Variants in SLCO5A1 observed in about 807,000 individuals in gnomAD.
SLCO5A1 encodes the protein solute carrier organic anion transporter family member 5A1.
A neutral mutation model predicts 65.1 loss-of-function variants in SLCO5A1; 39 were observed. The ratio of observed to expected loss-of-function variants is 0.60; its 90% CI spans 0.46 to 0.78. The LOEUF (loss-of-function observed/expected upper bound fraction) is 0.78, where lower values mean the gene tolerates loss of function less well. Among genes scored for constraint, SLCO5A1 ranks in the 30% least tolerant of loss-of-function variants. SLCO5A1 has a pLI of 0.00. For synonymous variants in SLCO5A1, 438 were observed against 415.7 expected, an observed-to-expected ratio of 1.05 and a Z score of -0.65; for missense variants, 1,029 against 1,069.4, an observed-to-expected ratio of 0.96 and a Z score of 0.53.
In SLCO5A1 at chr8:69,667,612, G is replaced by A. The variant is rs1813219483; in HGVS notation, c.*5257C>T. 6.6e-6 allele frequency: 1 copy of A among 152,130 alleles called. No individual in the cohort carries two copies. Among genetic ancestry groups the A allele is most frequent in the South Asian group, 2.1e-4 (1 of 4,814 alleles). The allele number at this position is 152,130 out of a possible 1,614,324, so 9.4% of individuals were successfully genotyped here. ...TTAATGTGTCCCTGCAATTACTTTA[G>A]TTTCAATAATATTTTCTCCTTCAAT... is the stretch of plus-strand genomic sequence containing the variant. On this transcript the variant is annotated 3_prime_UTR_variant, in exon 10 of 10. Transcript: ENST00000260126.
intron 2 of SLCO5A1, among the ~76,000 whole-genome samples, chr8:69,786,469 C>T (rs1480919326): frequency 2.0e-5 from 3 of 152,182 alleles, no homozygotes; most frequent in African/African-American, 7.2e-5. Flanking sequence ...CCCTAGCAGG[C>T]TTCAGTGCTT....
At chr8:69,740,244 C>T (rs1816738773) in intron 4 of SLCO5A1, among the ~76,000 whole-genome samples, 1 of 152,180 alleles carries the variant, frequency 6.6e-6, no homozygotes. Flanking sequence ...CTACAGCCCT[C>T]CAGGAGTTGG....
chr8:69,791,282 C>A (rs561231832), intron 2 of SLCO5A1, among the ~76,000 whole-genome samples: 8 of 152,258 alleles, frequency 5.3e-5, no homozygotes, highest in African/African-American at 1.9e-4. Context: ...GGGGCAAGAA[C>A]ATGCACGGAG....
Position 69,672,521 on chromosome 8 carries a change from T to G in SLCO5A1, c.*348A>C. ...CAAGTCCTGGGCAAGCTCACCTTTG[T>G]TTGGAGTGTTAGTTAATGATATGCA... On this transcript the variant is annotated 3_prime_UTR_variant, in exon 10 of 10. Transcript: ENST00000260126. 4.4e-6 allele frequency: 1 copy of G among 226,788 alleles called. No individual in the cohort carries two copies. Among genetic ancestry groups the G allele is most frequent in the Non-Finnish European group, 8.8e-6 (1 of 114,010 alleles). 14.0% of individuals were successfully genotyped at this position (226,788 alleles called of 1,614,324 possible). A position where few individuals can be genotyped will look rare whatever the true frequency, so the allele number is the denominator to read the frequency against.
chr8:69,799,385 A>G (rs1586813629), intron 2 of SLCO5A1, among the ~76,000 whole-genome samples: 1 of 152,344 alleles, frequency 6.6e-6, no homozygotes, highest in South Asian at 2.1e-4. Flanking sequence ...GTCTTGTTAG[A>G]GATATAATCA....
In SLCO5A1 at chr8:69,705,013, C is replaced by T; in HGVS notation, c.1622+18G>A. 3 of 1,605,498 alleles carry T rather than the reference C, an allele frequency of 1.9e-6. No homozygotes were observed. Among genetic ancestry groups the T allele is most frequent in the Non-Finnish European group, 2.5e-6 (3 of 1,178,600 alleles). On this transcript the variant is annotated intron_variant, in intron 6 of 9. Transcript: ENST00000260126. ...CCTCCATCGTGCAGACACGACACGG[C>T]TCTTAAGAGGTACTTACCCTGTTGT...
chr8:69,761,792 T>A lies in SLCO5A1; in HGVS notation c.991A>T (p.Arg331Ter), dbSNP rs1234630129. The A allele has an allele frequency of 6.2e-7, 1 of 1,613,930 alleles. No homozygotes were observed. Among genetic ancestry groups the A allele is most frequent in the African/African-American group, 1.3e-5 (1 of 74,936 alleles). ...TTCTGGTCAAGGTGAACAGGATTTC[T>A]GGGATCAACATAAAAACCAATAAGA... ...GLLIGFYVDP[R>*]NPVHLDQNDP... Residue 331 changes from arginine to a stop codon, truncating the protein, a stop_gained, in exon 3 of 10, where the codon AGA becomes TGA. Transcript: ENST00000260126. LOFTEE classifies it high-confidence loss of function.
intron 5 of SLCO5A1, among the ~76,000 whole-genome samples, chr8:69,736,950 C>G (rs1392030565): frequency 6.6e-6 from 1 of 152,090 alleles, no homozygotes; most frequent in Non-Finnish European, 1.5e-5. Context: ...TTTCTCACAA[C>G]CAAACTATAA....
chr8:69,687,242 T>C (rs1465662276), intron 6 of SLCO5A1, among the ~76,000 whole-genome samples: 2 of 152,202 alleles, frequency 1.3e-5, no homozygotes, highest in African/African-American at 4.8e-5. Context: ...CTATGTGACC[T>C]TGGGCCAAAT....
intron 4 of SLCO5A1, among the ~76,000 whole-genome samples, chr8:69,744,844 G>T (rs1006537659): frequency 6.6e-6 from 1 of 152,196 alleles, no homozygotes; most frequent in Non-Finnish European, 1.5e-5. Flanking sequence ...TAAGATGAAA[G>T]GTGGTCCACA....
At chr8:69,702,589 T>C (rs1814792999) in intron 6 of SLCO5A1, among the ~76,000 whole-genome samples, 1 of 152,182 alleles carries the variant, frequency 6.6e-6, no homozygotes, top group Non-Finnish European at 1.5e-5. Flanking sequence ...TTCTGTAATC[T>C]AAATAAACTC....
chr8:69,680,560 G>A (rs1445053294), intron 7 of SLCO5A1, among the ~76,000 whole-genome samples: 2 of 152,118 alleles, frequency 1.3e-5, no homozygotes, highest in African/African-American at 4.8e-5. Context: ...TTGATTCCAT[G>A]TCTTTACTAT....
At chr8:69,793,753 G>C (rs1819366736) in intron 2 of SLCO5A1, among the ~76,000 whole-genome samples, 1 of 151,166 alleles carries the variant, frequency 6.6e-6, no homozygotes. Context: ...ACTCCAGCCT[G>C]GGTGACAGAG....
chr8:69,730,905 T>C (rs1432185841), intron 5 of SLCO5A1, among the ~76,000 whole-genome samples: 1 of 152,038 alleles, frequency 6.6e-6, no homozygotes, highest in Non-Finnish European at 1.5e-5. Flanking sequence ...ATACTAAAAA[T>C]ATTCAAGCAT....
intron 3 of SLCO5A1, among the ~76,000 whole-genome samples, chr8:69,760,992 G>A (rs1817748121): frequency 6.6e-6 from 1 of 152,204 alleles, no homozygotes. Context: ...GGAGAGGGTT[G>A]TAAAGCAGAC....
intron 5 of SLCO5A1, among the ~76,000 whole-genome samples, chr8:69,719,294 T>G (rs1394134477): frequency 6.6e-6 from 1 of 152,134 alleles, no homozygotes; most frequent in African/African-American, 2.4e-5. Flanking sequence ...ACATGCACAA[T>G]TCCACCAGAT....
intron 2 of SLCO5A1, among the ~76,000 whole-genome samples, chr8:69,813,187 G>A (rs1202217487): frequency 6.6e-6 from 1 of 151,752 alleles, no homozygotes; most frequent in Admixed American, 6.6e-5. Context: ...AAATTTCTCA[G>A]TTCTCTTTAT....
intron 2 of SLCO5A1, among the ~76,000 whole-genome samples, chr8:69,807,398 ACATT>A (rs900948677): frequency 6.6e-6 from 1 of 152,184 alleles, no homozygotes; most frequent in African/African-American, 2.4e-5. Flanking sequence ...GATATACAAT[ACATT>A]ATTATTAACT....
At chr8:69,703,119 A>AG (rs1814822929) in intron 6 of SLCO5A1, among the ~76,000 whole-genome samples, 1 of 146,438 alleles carries the variant, frequency 6.8e-6, no homozygotes, top group Admixed American at 6.8e-5. Flanking sequence ...TCAAAAAAAA[A>AG]AAAAAGAAAA....
Sources: allele counts gnomAD v4.1 joint callset (sites outside exome capture counted in the v4.1 genomes callset), GRCh38; gene constraint gnomAD v4.1.1; transcripts MANE v1.5; gene names NCBI Gene and HGNC (gene_info 2026-07-23, HGNC 2026-07-21).